CDH13: variants seen among roughly 807,000 people sequenced by gnomAD.
CDH13 encodes cadherin 13, also known as cadherin-13.
Under a neutral mutation model 63.8 loss-of-function variants are expected in CDH13, and 24 were observed. The ratio of observed to expected loss-of-function variants is 0.38; its 90% CI spans 0.27 to 0.53. The LOEUF (loss-of-function observed/expected upper bound fraction) is 0.53. Ranked by LOEUF, CDH13 falls within the 20% of genes least tolerant of loss-of-function variation. The pLI is 0.85. For synonymous variants in CDH13, 503 were observed against 355.3 expected, an observed-to-expected ratio of 1.42 and a Z score of -4.67; for missense variants, 1,049 against 903.1, an observed-to-expected ratio of 1.16 and a Z score of -2.07.
At chr16:83,621,113 G>C (rs55897515) in intron 8 of CDH13, among the ~76,000 whole-genome samples, 1 of 152,096 alleles carries the variant, frequency 6.6e-6, no homozygotes, top group Non-Finnish European at 1.5e-5. Flanking sequence ...TGAAGGCTCC[G>C]ACAGCTGAAG....
At chr16:83,092,027 T>C (rs1021542573) in intron 3 of CDH13, among the ~76,000 whole-genome samples, 2 of 152,248 alleles carry the variant, frequency 1.3e-5, no homozygotes, top group African/African-American at 4.8e-5. Flanking sequence ...AAAATTTATT[T>C]TGAAAATCCT....
chr16:83,093,379 C>G (rs1227353348), intron 3 of CDH13, among the ~76,000 whole-genome samples: 1 of 121,948 alleles, frequency 8.2e-6, no homozygotes, highest in Non-Finnish European at 1.6e-5. Flanking sequence ...CCGTGAGTGG[C>G]ACAGTCTAGG....
intron 10 of CDH13, among the ~76,000 whole-genome samples, chr16:83,690,633 G>A (rs1231890473): frequency 2.0e-5 from 3 of 152,136 alleles, no homozygotes; most frequent in Non-Finnish European, 4.4e-5. Context: ...GTGTAGGGTA[G>A]CCATAGTAAT....
At chr16:83,501,379 A>G (rs1445703295) in intron 7 of CDH13, among the ~76,000 whole-genome samples, 3 of 152,172 alleles carry the variant, frequency 2.0e-5, no homozygotes, top group Admixed American at 6.5e-5. Context: ...ATTTTTCTCC[A>G]TGAAAGACTC....
At position 83,662,781 on chromosome 16, in the gene CDH13, C is replaced by T. The variant is rs564507295; in HGVS notation, c.1102-8009C>T. On this transcript the variant is annotated intron_variant, in intron 8 of 13. Transcript: ENST00000567109. ...ATCTTCAGAGTTGTTTTCCCCAGGG[C>T]GCCATTATTGCAAGGAATAGAAACC... Among the ~76,000 whole-genome samples the T allele has an allele frequency of 7.2e-5, 11 of 152,246 alleles. 1 individual carries two copies. The highest frequency in any genetic ancestry group is 3.4e-3 in the Middle Eastern group (1 of 294).
At chr16:82,874,158 T>G (rs949553871) in intron 2 of CDH13, among the ~76,000 whole-genome samples, 1 of 152,154 alleles carries the variant, frequency 6.6e-6, no homozygotes, top group Non-Finnish European at 1.5e-5. Flanking sequence ...TTACCCTCAG[T>G]AGGATAAATA....
intron 4 of CDH13, among the ~76,000 whole-genome samples, chr16:83,168,609 T>A (rs34308431): frequency 0.062 from 9,432 of 151,800 alleles, 512 homozygotes; most frequent in African/African-American, 0.14. Context: ...AAATAAATTT[T>A]AAAAAAAACG....
At chr16:83,340,011 G>A (rs1292985318) in intron 5 of CDH13, among the ~76,000 whole-genome samples, 1 of 152,052 alleles carries the variant, frequency 6.6e-6, no homozygotes, top group Non-Finnish European at 1.5e-5. Context: ...GCAATACAGG[G>A]CCCCCCAACA....
chr16:83,763,566 G>A (rs1292423708), intron 11 of CDH13, among the ~76,000 whole-genome samples: 1 of 152,062 alleles, frequency 6.6e-6, no homozygotes, highest in Non-Finnish European at 1.5e-5. Flanking sequence ...CCAAGCTCTA[G>A]ACTGCAGGGG....
chr16:83,069,422 C>A (rs917797899), intron 3 of CDH13, among the ~76,000 whole-genome samples: 3 of 152,132 alleles, frequency 2.0e-5, no homozygotes, highest in Non-Finnish European at 4.4e-5. Context: ...ACACCTACTA[C>A]GTGCCAGGCA....
intron 1 of CDH13, chr16:82,823,893 T>C (rs2038121983): frequency 6.6e-6 from 1 of 152,172 alleles, no homozygotes; most frequent in South Asian, 2.1e-4. Flanking sequence ...ATGTATTCTC[T>C]TTCTACTAAA....
intron 7 of CDH13, among the ~76,000 whole-genome samples, chr16:83,536,305 G>A (rs1053597251): frequency 1.3e-5 from 2 of 152,196 alleles, no homozygotes; most frequent in East Asian, 3.9e-4. Context: ...GTAAGAGGGG[G>A]AAGACCATGT....
At chr16:82,934,563 A>C (rs572232509) in intron 2 of CDH13, among the ~76,000 whole-genome samples, 1 of 152,242 alleles carries the variant, frequency 6.6e-6, no homozygotes, top group African/African-American at 2.4e-5. Context: ...GCAGGCTTGA[A>C]TTTCTCCCCA....
intron 5 of CDH13, among the ~76,000 whole-genome samples, chr16:83,307,244 A>G (rs2089902197): frequency 6.6e-6 from 1 of 152,154 alleles, no homozygotes; most frequent in African/African-American, 2.4e-5. Flanking sequence ...TTGTGGCGAT[A>G]ATTCTAGTTC....
intron 2 of CDH13, among the ~76,000 whole-genome samples, chr16:82,924,386 G>A (rs182341734): frequency 1.1e-4 from 16 of 152,108 alleles, no homozygotes; most frequent in African/African-American, 3.6e-4. Flanking sequence ...TTAGAATTAG[G>A]ATGAAACCCA....
intron 5 of CDH13, among the ~76,000 whole-genome samples, chr16:83,232,104 G>T (rs2325830): frequency 0.59 from 89,054 of 151,454 alleles, 28,526 homozygotes; most frequent in East Asian, 0.85. Flanking sequence ...ATGGGTGCTA[G>T]GCTTAATACC....
intron 6 of CDH13, chr16:83,397,301 A>G (rs1022302249): frequency 2.0e-5 from 3 of 152,208 alleles, no homozygotes; most frequent in Non-Finnish European, 2.9e-5. Context: ...AAACCAGTCA[A>G]GAAGTTCAAC....
chr16:83,604,911 CT>C (rs1291900212), intron 8 of CDH13, among the ~76,000 whole-genome samples: 1 of 152,162 alleles, frequency 6.6e-6, no homozygotes, highest in Non-Finnish European at 1.5e-5. Flanking sequence ...GGACTAAACA[CT>C]GTGAATGACA....
At chr16:83,171,521 G>T (rs564893603) in intron 4 of CDH13, 7 of 1,533,446 alleles carry the variant, frequency 4.6e-6, no homozygotes, top group Non-Finnish European at 6.1e-6. Flanking sequence ...TTGTTTTTCA[G>T]ATGAAGATTT....
Sources: allele counts gnomAD v4.1 joint callset (sites outside exome capture counted in the v4.1 genomes callset), GRCh38; gene constraint gnomAD v4.1.1; transcripts MANE v1.5; gene names NCBI Gene and HGNC (gene_info 2026-07-23, HGNC 2026-07-21).